RWDD2B: variants seen among roughly 807,000 people sequenced by gnomAD.
RWDD2B encodes RWD domain containing 2B, also known as RWD domain-containing protein 2B.
RWDD2B carries 36 observed loss-of-function variants against 33.6 expected under a neutral mutation model. The ratio of observed to expected loss-of-function variants is 1.07; its 90% CI spans 0.82 to 1.42. The LOEUF is 1.42. RWDD2B is among the 40% of genes most tolerant of loss of function. The probability of loss-of-function intolerance (pLI) is 0.00; values close to 1 mark genes in which losing one functional copy is unlikely to be tolerated. For missense variants in RWDD2B, 364 were observed against 377.5 expected (o/e 0.96, Z 0.30); for synonymous variants, 126 against 133.1 (o/e 0.95, Z 0.37).
intron 1 of RWDD2B, among the ~76,000 whole-genome samples, chr21:29,015,855 A>G (rs1172220038): frequency 4.6e-5 from 7 of 152,138 alleles, no homozygotes; most frequent in African/African-American, 1.2e-4. Flanking sequence ...TATTTATCCT[A>G]GACAAAAGCA....
intron 1 of RWDD2B, among the ~76,000 whole-genome samples, chr21:29,014,902 C>T (rs573421237): frequency 1.3e-5 from 2 of 152,106 alleles, no homozygotes; most frequent in Non-Finnish European, 2.9e-5. Flanking sequence ...TTTATTATTT[C>T]TTTTCTGTTT....
At chr21:29,007,699 A>C in intron 4 of RWDD2B, 62 bp downstream of exon 4, 12 of 1,542,258 alleles carry the variant, frequency 7.8e-6, no homozygotes, top group Non-Finnish European at 1.0e-5. Flanking sequence ...GCAGCACATG[A>C]CTGTATCTTG....
chr21:29,019,339 G>T lies in RWDD2B; in HGVS notation c.-62C>A. On this transcript the variant is annotated 5_prime_UTR_variant, in exon 1 of 5. Transcript: ENST00000493196. Reference sequence around the variant, plus strand: ...CAAAACTTACAAACCGCCTCAGCTGGCGACCTACCGGAAAAAAAAAAAAAA... The same window carrying T: ...CAAAACTTACAAACCGCCTCAGCTGTCGACCTACCGGAAAAAAAAAAAAAA... 1 of 1,234,510 alleles carries T rather than the reference G, an allele frequency of 8.1e-7. No individual in the cohort carries two copies. The allele number at this position is 1,234,510 out of a possible 1,614,324, so 76.5% of individuals were successfully genotyped here. A position where few individuals can be genotyped will look rare whatever the true frequency, so the allele number is the denominator to read the frequency against.
At position 29,006,514 on chromosome 21, in the gene RWDD2B, CT is replaced by C; in HGVS notation, c.862del (p.Arg288GlyfsTer14). 1.2e-6 allele frequency: 2 copies of C among 1,614,034 alleles called. No homozygotes were observed. The highest frequency in any genetic ancestry group is 1.7e-6 in the Non-Finnish European group (2 of 1,179,930). The part of the protein sequence containing the change: ...EEKVFSVNGA[R>X]GNHMDFGQLY... The stretch of plus-strand genomic sequence containing the variant: ...CTGACCAAAGTCCATGTGGTTTCCC[CT>C]GGCTCCATTAACACTGAACACTTTT... On this transcript the variant is annotated frameshift_variant, in exon 5 of 5. Transcript: ENST00000493196. LOFTEE classifies it high-confidence loss of function.
intron 1 of RWDD2B, chr21:29,009,739 G>A (rs1475917234): frequency 6.6e-6 from 1 of 152,130 alleles, no homozygotes; most frequent in East Asian, 1.9e-4. Context: ...GAGAAAATAA[G>A]TGTTAATTGT....
chr21:29,010,827 CT>C (rs1232107278), intron 1 of RWDD2B, among the ~76,000 whole-genome samples: 1 of 137,194 alleles, frequency 7.3e-6, no homozygotes, highest in Non-Finnish European at 1.5e-5. Context: ...GCCGCCACCC[CT>C]GACTGGTTTT....
chr21:29,012,690 TA>T lies in RWDD2B; in HGVS notation c.68-4070del, dbSNP rs1343199377. The stretch of plus-strand genomic sequence containing the variant: ...AACCAGAGACCTTTGTTCACTTGTT[TA>T]TCTGCTGACCTTCCCTCCACTATTG... On this transcript the variant is annotated intron_variant, in intron 1 of 4. Transcript: ENST00000493196. 3.3e-5 allele frequency among the ~76,000 whole-genome samples: 5 copies of T among 152,224 alleles called. No individual in the cohort carries two copies. The East Asian group carries it at 9.7e-4, about 29-fold the overall frequency.
intron 4 of RWDD2B, among the ~76,000 whole-genome samples, chr21:29,007,010 G>T (rs564282577): frequency 2.0e-5 from 3 of 152,294 alleles, no homozygotes; most frequent in African/African-American, 7.2e-5. Flanking sequence ...CCTTACTACA[G>T]CCATGTATCA....
chr21:29,017,103 C>T (rs1043687424), intron 1 of RWDD2B, among the ~76,000 whole-genome samples: 3 of 151,280 alleles, frequency 2.0e-5, no homozygotes, highest in Admixed American at 6.6e-5. Context: ...GAACTCCTGC[C>T]GTCATGATCC....
intron 1 of RWDD2B, among the ~76,000 whole-genome samples, chr21:29,011,436 C>T (rs538090749): frequency 1.2e-4 from 18 of 150,488 alleles, no homozygotes; most frequent in African/African-American, 3.9e-4. Context: ...GCCCGGCAGC[C>T]GCTGGGTCTG....
In RWDD2B at chr21:29,008,266, C is replaced by T. The variant is rs145317909; in HGVS notation, c.336G>A (p.Pro112=). ...TGACAGTAATTTCAGGCAGAACTGC[C>T]GGGTATTTAAAGGGAAGAATACAGG... is the stretch of plus-strand genomic sequence containing the variant. ...SLACILPFKY[P]AVLPEITVRS... is the part of the protein sequence containing the mutation. The change falls in exon 3 of 5, where the codon CCG becomes CCA. Residue 112 remains proline, a synonymous_variant. Transcript: ENST00000493196. 233 of 1,614,150 alleles carry T rather than the reference C, an allele frequency of 1.4e-4. 1 individual carries two copies. In the African/African-American group the frequency reaches 2.6e-3, roughly 18 times the overall value.
chr21:29,009,327 C>T (rs1030818087), intron 1 of RWDD2B, among the ~76,000 whole-genome samples: 4 of 152,088 alleles, frequency 2.6e-5, no homozygotes, highest in African/African-American at 7.2e-5. Context: ...TCAAGCAATC[C>T]TCCTGCCTTG....
At chr21:29,015,229 T>TG (rs2084884131) in intron 1 of RWDD2B, among the ~76,000 whole-genome samples, 1 of 138,382 alleles carries the variant, frequency 7.2e-6, no homozygotes, top group Non-Finnish European at 1.6e-5. Flanking sequence ...GATGCGTTTT[T>TG]TTTTTTTTTT....
At chr21:29,016,510 C>T (rs1012262282) in intron 1 of RWDD2B, among the ~76,000 whole-genome samples, 5 of 151,576 alleles carry the variant, frequency 3.3e-5, no homozygotes, top group South Asian at 2.1e-4. Flanking sequence ...GTGATTCACC[C>T]GCCTTGGCCT....
At chr21:29,014,142 G>C (rs373553956) in intron 1 of RWDD2B, among the ~76,000 whole-genome samples, 5 of 152,278 alleles carry the variant, frequency 3.3e-5, no homozygotes, top group African/African-American at 1.2e-4. Context: ...CATTTTGCAA[G>C]GGCATTCTTA....
chr21:29,007,730 C>T, intron 4 of RWDD2B, 31 bp downstream of exon 4: 2 of 1,587,616 alleles, frequency 1.3e-6, no homozygotes, highest in South Asian at 1.2e-5. Context: ...ACATTATTGA[C>T]ATGACTTCAT....
In RWDD2B at chr21:29,007,834, AC is replaced by A; in HGVS notation, c.651del (p.Phe218LeufsTer29). 2 of 1,614,218 alleles carry A rather than the reference AC, an allele frequency of 1.2e-6. No homozygotes were observed. Among genetic ancestry groups the A allele is most frequent in the Non-Finnish European group, 1.7e-6 (2 of 1,180,042 alleles). ...LEWAKELSLS[G>X]FSMPGKPGVV... ...ACACCAGGTTTTCCAGGCATGCTAA[AC>A]CCAGACAGGGAAAGCTCCTTTGCCC... On this transcript the variant is annotated frameshift_variant, in exon 4 of 5. Coordinates refer to ENST00000493196, the MANE Select transcript of RWDD2B (RefSeq NM_016940.3). LOFTEE classifies it high-confidence loss of function.
At chr21:29,015,286 A>G (rs1459165372) in intron 1 of RWDD2B, among the ~76,000 whole-genome samples, 1 of 132,168 alleles carries the variant, frequency 7.6e-6, no homozygotes, top group African/African-American at 2.9e-5. Context: ...GCTGGAGTAC[A>G]ATGGTGCAAT....
chr21:29,007,422 A>G (rs1215676830), intron 4 of RWDD2B, among the ~76,000 whole-genome samples: 1 of 152,228 alleles, frequency 6.6e-6, no homozygotes, highest in Non-Finnish European at 1.5e-5. Context: ...AACAACGGGG[A>G]TACATTCTGA....
Sources: allele counts gnomAD v4.1 joint callset (sites outside exome capture counted in the v4.1 genomes callset), GRCh38; gene constraint gnomAD v4.1.1; transcripts MANE v1.5; gene names NCBI Gene and HGNC (gene_info 2026-07-23, HGNC 2026-07-21).